Variants in SLC2A9 observed in about 807,000 individuals in gnomAD.
The protein encoded by SLC2A9 is solute carrier family 2 member 9.
In SLC2A9, 39 loss-of-function variants were observed where a neutral mutation model predicts 50.6. The ratio of observed to expected loss-of-function variants is 0.77; its 90% CI spans 0.60 to 1.01. The LOEUF is 1.01. Among genes scored for constraint, SLC2A9 ranks in the 50% least tolerant of loss-of-function variants. SLC2A9 has a pLI of 0.00. For synonymous variants in SLC2A9, 324 were observed against 276.9 expected (o/e 1.17, Z -1.69); for missense variants, 686 against 677.6 (o/e 1.01, Z -0.14).
downstream of SLC2A9, among the ~76,000 whole-genome samples, chr4:9,778,604 C>G (rs1279480325): frequency 1.3e-5 from 2 of 152,128 alleles, no homozygotes; most frequent in African/African-American, 4.8e-5. Flanking sequence ...ATTGGGAAGA[C>G]AAGCACAGTT....
intron 5 of SLC2A9, among the ~76,000 whole-genome samples, chr4:9,952,466 A>T (rs1253600636): frequency 2.0e-5 from 3 of 151,892 alleles, no homozygotes; most frequent in Non-Finnish European, 2.9e-5. Flanking sequence ...CCATGCATGT[A>T]CAGTCTGCAG....
In SLC2A9 at chr4:9,983,838, T is replaced by C. The variant is rs186955746; in HGVS notation, c.535+1831A>G. ...TTTTAAATACATCAAACCTAACCTA[T>C]ACAGATAAATTAATGAAATTAATGG... On this transcript the variant is annotated intron_variant, in intron 4 of 11. Transcript: ENST00000264784. Among the ~76,000 whole-genome samples the C allele has an allele frequency of 6.6e-5, 10 of 152,328 alleles. No individual in the cohort carries two copies. The East Asian group carries it at 1.5e-3, about 23-fold the overall frequency.
intron 3 of SLC2A9, among the ~76,000 whole-genome samples, chr4:9,799,991 G>A (rs1038811063): frequency 6.6e-6 from 1 of 152,140 alleles, no homozygotes; most frequent in African/African-American, 2.4e-5. Context: ...AAAAGATGGG[G>A]AAACTGAACA....
At position 9,996,938 on chromosome 4, in the gene SLC2A9, T is replaced by G. The variant is rs771539429; in HGVS notation, c.253A>C (p.Ile85Leu). ...CATGACTCATTGTAAAAGGCCTTGA[T>G]GTACTGAAAATAAACAACAAACCAT... ...LSVVNAPTPY[I>L]KAFYNESWER... Residue 85 changes from isoleucine (I) to leucine (L), a missense_variant, in exon 3 of 12, where the codon ATC becomes CTC. Transcript: ENST00000264784. 1.2e-6 allele frequency: 2 copies of G among 1,613,862 alleles called. No individual in the cohort carries two copies. Among genetic ancestry groups the G allele is most frequent in the African/African-American group, 1.3e-5 (1 of 74,922 alleles).
intron 5 of SLC2A9, among the ~76,000 whole-genome samples, chr4:9,942,571 G>C (rs1296395556): frequency 6.6e-6 from 1 of 152,204 alleles, no homozygotes; most frequent in African/African-American, 2.4e-5. Context: ...GTGAGGAAGA[G>C]GGGGCCAGTG....
chr4:9,804,243 C>T (rs1560133767), intron 3 of SLC2A9, among the ~76,000 whole-genome samples: 1 of 152,202 alleles, frequency 6.6e-6, no homozygotes, highest in African/African-American at 2.4e-5. Flanking sequence ...TAGGGATTTG[C>T]TGAGTGGACT....
chr4:9,791,070 C>T (rs538398625), intron 3 of SLC2A9, among the ~76,000 whole-genome samples: 1 of 152,212 alleles, frequency 6.6e-6, no homozygotes, highest in South Asian at 2.1e-4. Context: ...CTAGAAAGTC[C>T]TCATTGATGG....
At chr4:9,891,661 C>T (rs1010919871) in intron 8 of SLC2A9, among the ~76,000 whole-genome samples, 1 of 152,178 alleles carries the variant, frequency 6.6e-6, no homozygotes, top group Non-Finnish European at 1.5e-5. Context: ...GCAGACATCA[C>T]AGAGCAAGTA....
chr4:10,019,176 G>T (rs1437317206), intron 1 of SLC2A9, 103 bp from the exon 2 acceptor site: 1 of 930,878 alleles, frequency 1.1e-6, no homozygotes, highest in Admixed American at 2.1e-5. Context: ...TTCCGGAGGA[G>T]AAGTCTTTGT....
intron 1 of SLC2A9, among the ~76,000 whole-genome samples, chr4:10,030,499 C>G (rs567797051): frequency 2.6e-5 from 4 of 152,020 alleles, no homozygotes; most frequent in African/African-American, 9.7e-5. Context: ...AATATAGGTC[C>G]CTTTTACATT....
intron 10 of SLC2A9, among the ~76,000 whole-genome samples, chr4:9,849,892 C>A (rs574234824): frequency 6.6e-6 from 1 of 152,110 alleles, no homozygotes; most frequent in African/African-American, 2.4e-5. Flanking sequence ...CGCATTTTAA[C>A]ATTCTTCCTT....
intron 7 of SLC2A9, among the ~76,000 whole-genome samples, chr4:9,916,121 G>A (rs1485876109): frequency 1.3e-5 from 2 of 152,090 alleles, no homozygotes; most frequent in Admixed American, 6.5e-5. Flanking sequence ...AGAAATCTGG[G>A]ACTCTCTTAG....
chr4:9,789,483 A>G (rs561752011), intron 3 of SLC2A9, among the ~76,000 whole-genome samples: 159 of 152,354 alleles, frequency 1.0e-3, no homozygotes, highest in African/African-American at 3.7e-3. Context: ...TCAAGAGTCA[A>G]TATGCAGTAG....
intron 3 of SLC2A9, among the ~76,000 whole-genome samples, chr4:9,806,695 G>T (rs557607608): frequency 6.6e-6 from 1 of 152,314 alleles, no homozygotes; most frequent in South Asian, 2.1e-4. Context: ...GGAGAGAAGT[G>T]GGGGTAGTTG....
chr4:9,958,097 G>A (rs1412222471), intron 5 of SLC2A9, among the ~76,000 whole-genome samples: 1 of 152,214 alleles, frequency 6.6e-6, no homozygotes, highest in African/African-American at 2.4e-5. Flanking sequence ...AGCAATGTCA[G>A]ATGCTACAGG....
At chr4:9,944,194 G>A (rs1748705201) in intron 5 of SLC2A9, among the ~76,000 whole-genome samples, 2 of 152,236 alleles carry the variant, frequency 1.3e-5, no homozygotes, top group South Asian at 2.1e-4. Flanking sequence ...GGATGCCGGA[G>A]ATGTGGGAGC....
intron 8 of SLC2A9, among the ~76,000 whole-genome samples, chr4:9,900,061 A>G (rs75603320): frequency 1.5e-4 from 23 of 150,554 alleles, no homozygotes; most frequent in African/African-American, 5.3e-4. Flanking sequence ...GGGCAAGTAG[A>G]AAAAAAAATA....
chr4:9,862,578 A>G (rs1251172699), intron 10 of SLC2A9, among the ~76,000 whole-genome samples: 1 of 152,012 alleles, frequency 6.6e-6, no homozygotes, highest in Non-Finnish European at 1.5e-5. Flanking sequence ...CTATGCTAAC[A>G]ACACTGCAGC....
intron 1 of SLC2A9, 159 bp from the exon 2 acceptor site, chr4:10,019,232 C>A (rs369964510): frequency 1.5e-6 from 1 of 654,922 alleles, no homozygotes; most frequent in Non-Finnish European, 2.7e-6. Flanking sequence ...AGTTGGGGAC[C>A]TGCAAGTAGG....
Sources: allele counts gnomAD v4.1 joint callset (sites outside exome capture counted in the v4.1 genomes callset), GRCh38; gene constraint gnomAD v4.1.1; transcripts MANE v1.5; gene names NCBI Gene and HGNC (gene_info 2026-07-23, HGNC 2026-07-21).